The following BLVRB variants were observed in gnomAD, a reference collection of about 807,000 sequenced individuals.
The protein encoded by BLVRB is flavin reductase (NADPH).
Under a neutral mutation model 21.1 loss-of-function variants are expected in BLVRB, and 25 were observed. That is an observed-to-expected ratio of 1.19 (90% CI 0.86 to 1.66). The LOEUF (loss-of-function observed/expected upper bound fraction) is 1.66. BLVRB is among the 40% of genes most tolerant of loss of function. The probability of loss-of-function intolerance (pLI) is 0.00; values close to 1 mark genes in which losing one functional copy is unlikely to be tolerated. For synonymous variants in BLVRB, 128 were observed against 122.2 expected (o/e 1.05, Z -0.31); for missense variants, 274 against 282.7 (o/e 0.97, Z 0.22).
chr19:40,460,611 A>ATAAATTAAAT (rs142941792), intron 1 of BLVRB, among the ~76,000 whole-genome samples: 1,514 of 149,574 alleles, frequency 0.01, 18 homozygotes, highest in Non-Finnish European at 0.012. Flanking sequence ...AAATAAATAA[A>ATAAATTAAAT]TAAATTAAAT....
chr19:40,451,613 A>C, intron 3 of BLVRB, 121 bp from the exon 4 acceptor site: 1 of 1,304,784 alleles, frequency 7.7e-7, no homozygotes, highest in Non-Finnish European at 1.0e-6. Context: ...GCTCACTGCA[A>C]CCTCTGCCTC....
chr19:40,451,287 G>A, intron 4 of BLVRB, 77 bp downstream of exon 4: 1 of 1,551,126 alleles, frequency 6.4e-7, no homozygotes. Context: ...GGTCAGGGAA[G>A]GCCTTGCAGA....
intron 1 of BLVRB, among the ~76,000 whole-genome samples, chr19:40,460,245 AACATATAT>A (rs1481738962): frequency 2.2e-4 from 12 of 53,570 alleles, no homozygotes; most frequent in African/African-American, 3.8e-4. Flanking sequence ...CTGTAATAGC[AACATATAT>A]ATATATATAT....
intron 1 of BLVRB, among the ~76,000 whole-genome samples, chr19:40,462,466 G>A (rs191409157): frequency 9.9e-5 from 15 of 151,410 alleles, no homozygotes; most frequent in African/African-American, 3.4e-4. Context: ...TTTTAGTAGA[G>A]ATGGGGTTTC....
At chr19:40,464,225 A>G (rs188303286) in intron 1 of BLVRB, among the ~76,000 whole-genome samples, 4 of 152,060 alleles carry the variant, frequency 2.6e-5, no homozygotes, top group East Asian at 1.9e-4. Context: ...AGCTGGGACT[A>G]CAGGCATGCA....
intron 1 of BLVRB, among the ~76,000 whole-genome samples, chr19:40,463,246 C>T (rs1026073465): frequency 6.6e-6 from 1 of 152,178 alleles, no homozygotes; most frequent in Non-Finnish European, 1.5e-5. Context: ...GAATTTTTAC[C>T]TAAGTAAGTC....
intron 1 of BLVRB, among the ~76,000 whole-genome samples, chr19:40,462,533 C>T (rs1288420698): frequency 2.7e-5 from 4 of 150,600 alleles, no homozygotes; most frequent in Non-Finnish European, 4.4e-5. Flanking sequence ...CCACCTTGGC[C>T]TCCCAAAGTG....
At chr19:40,451,570 G>A (rs1193540131) in intron 3 of BLVRB, 78 bp from the exon 4 acceptor site, 21 of 1,426,366 alleles carry the variant, frequency 1.5e-5, no homozygotes, top group Non-Finnish European at 1.9e-5. Context: ...GTGTCGCTTT[G>A]TCACCCAGGC....
intron 1 of BLVRB, among the ~76,000 whole-genome samples, chr19:40,460,028 C>T (rs989633392): frequency 2.0e-5 from 3 of 152,060 alleles, no homozygotes; most frequent in African/African-American, 7.2e-5. Context: ...CCCTGCTGCC[C>T]AGCCTTACTG....
chr19:40,465,459 C>T (rs2079808236), intron 1 of BLVRB, 151 bp downstream of exon 1: 14 of 902,412 alleles, frequency 1.6e-5, no homozygotes, highest in South Asian at 9.4e-5. Context: ...CCCATTTCTG[C>T]CCCCGTGGCC....
chr19:40,465,114 A>G (rs1166229262), intron 1 of BLVRB, among the ~76,000 whole-genome samples: 1 of 152,150 alleles, frequency 6.6e-6, no homozygotes, highest in African/African-American at 2.4e-5. Context: ...GGTTAAGAGC[A>G]TGAGCTGAGT....
rs1223233988 is a variant in BLVRB at position 40,460,245 on chromosome 19, A to AATATATATATATATATATAT, written c.80-1701_80-1700insATATATATATATATATATAT. 6.2e-3 allele frequency among the ~76,000 whole-genome samples: 332 copies of AATATATATATATATATATAT among 53,436 alleles called. 17 individuals carry two copies. The highest frequency in any genetic ancestry group is 0.011 in the South Asian group (20 of 1,746). The allele number at this position is 53,436 out of a possible 152,430, so 35.1% of individuals were successfully genotyped here. On this transcript the variant is annotated intron_variant, in intron 1 of 4. Coordinates refer to ENST00000263368, the MANE Select transcript of BLVRB (RefSeq NM_000713.3). The stretch of plus-strand genomic sequence containing the variant: ...TAACATTTGGGTATACTGTAATAGC[A>AATATATATATATATATATAT]ACATATATATATATATATATATATA...
intron 1 of BLVRB, among the ~76,000 whole-genome samples, chr19:40,464,834 C>T (rs2079803633): frequency 1.3e-5 from 2 of 152,162 alleles, no homozygotes. Context: ...GTCCCCAAGG[C>T]CTGCAAGGGT....
At chr19:40,462,871 G>A (rs1421910462) in intron 1 of BLVRB, among the ~76,000 whole-genome samples, 6 of 134,694 alleles carry the variant, frequency 4.5e-5, no homozygotes, top group Non-Finnish European at 9.2e-5. Context: ...CAGCCTGGGC[G>A]GCAGAGTGAG....
intron 1 of BLVRB, among the ~76,000 whole-genome samples, chr19:40,463,083 G>A (rs1050454360): frequency 2.6e-5 from 4 of 152,062 alleles, no homozygotes; most frequent in Non-Finnish European, 5.9e-5. Flanking sequence ...GTGACCATAT[G>A]TTTCAGATCT....
At chr19:40,456,205 G>T (rs2079761573) in intron 3 of BLVRB, among the ~76,000 whole-genome samples, 3 of 152,166 alleles carry the variant, frequency 2.0e-5, no homozygotes, top group South Asian at 4.1e-4. Flanking sequence ...TCTGTGAACA[G>T]AGGACGGTAG....
intron 1 of BLVRB, 73 bp downstream of exon 1, chr19:40,465,537 C>T: frequency 2.0e-6 from 3 of 1,536,640 alleles, no homozygotes; most frequent in Non-Finnish European, 2.6e-6. Flanking sequence ...AGCCTCGGCC[C>T]GACCCCATGG....
At chr19:40,461,083 A>C (rs2079785542) in intron 1 of BLVRB, among the ~76,000 whole-genome samples, 1 of 152,192 alleles carries the variant, frequency 6.6e-6, no homozygotes, top group African/African-American at 2.4e-5. Context: ...GGGGTTTTGC[A>C]TGTTGGCCAG....
chr19:40,459,415 A>G (rs1334973605), intron 1 of BLVRB, among the ~76,000 whole-genome samples: 2 of 144,228 alleles, frequency 1.4e-5, no homozygotes, highest in African/African-American at 2.5e-5. Context: ...GCCTCCAAGC[A>G]CCACACCCTG....
Sources: allele counts gnomAD v4.1 joint callset (sites outside exome capture counted in the v4.1 genomes callset), GRCh38; gene constraint gnomAD v4.1.1; transcripts MANE v1.5; gene names NCBI Gene and HGNC (gene_info 2026-07-23, HGNC 2026-07-21).